SGCZ: variants seen among roughly 807,000 people sequenced by gnomAD.
The protein encoded by SGCZ is zeta-sarcoglycan.
In SGCZ, 40 loss-of-function variants were observed where a neutral mutation model predicts 41.3. The ratio of observed to expected loss-of-function variants is 0.97; its 90% CI spans 0.75 to 1.26. The LOEUF (loss-of-function observed/expected upper bound fraction) is 1.26. Among genes scored for constraint, SGCZ ranks in the 50% most tolerant of loss-of-function variants. The probability of loss-of-function intolerance (pLI) is 0.00; values close to 1 mark genes in which losing one functional copy is unlikely to be tolerated. For missense variants in SGCZ, 552 were observed against 369.8 expected (o/e 1.49, Z -4.04); for synonymous variants, 206 against 137.5 (o/e 1.50, Z -3.49).
chr8:14,231,598 G>A (rs945098333), intron 4 of SGCZ, among the ~76,000 whole-genome samples: 2 of 151,734 alleles, frequency 1.3e-5, no homozygotes, highest in African/African-American at 4.8e-5. Context: ...AACATGCTCT[G>A]TTCATTTGTC....
intron 1 of SGCZ, among the ~76,000 whole-genome samples, chr8:14,980,213 G>T (rs190786364): frequency 6.6e-6 from 1 of 152,058 alleles, no homozygotes; most frequent in Non-Finnish European, 1.5e-5. Context: ...AAATGTTTTG[G>T]CCTGACTGTG....
intron 1 of SGCZ, among the ~76,000 whole-genome samples, chr8:14,755,010 A>T (rs769836900): frequency 6.6e-6 from 1 of 152,214 alleles, no homozygotes; most frequent in African/African-American, 2.4e-5. Flanking sequence ...GATTACAGGC[A>T]TCAGACACTG....
intron 4 of SGCZ, among the ~76,000 whole-genome samples, chr8:14,224,367 T>A (rs1806300679): frequency 6.6e-6 from 1 of 152,106 alleles, no homozygotes; most frequent in South Asian, 2.1e-4. Context: ...TAGTACCAGG[T>A]ACTATGGTGA....
At chr8:14,323,029 G>A (rs905773165) in intron 3 of SGCZ, among the ~76,000 whole-genome samples, 10 of 152,062 alleles carry the variant, frequency 6.6e-5, no homozygotes, top group African/African-American at 2.2e-4. Context: ...TTGTCTGAAC[G>A]ATACCCAGAA....
chr8:14,290,218 T>TCAAAAGTA (rs1225504019), intron 3 of SGCZ, among the ~76,000 whole-genome samples: 1 of 151,964 alleles, frequency 6.6e-6, no homozygotes, highest in Non-Finnish European at 1.5e-5. Flanking sequence ...AACGTAAGAC[T>TCAAAAGTA]CAAAACTACA....
At chr8:14,299,974 G>A (rs1307756667) in intron 3 of SGCZ, among the ~76,000 whole-genome samples, 7 of 151,932 alleles carry the variant, frequency 4.6e-5, no homozygotes, top group African/African-American at 1.2e-4. Context: ...GATAAAAAAT[G>A]CAAGAATATA....
intron 1 of SGCZ, chr8:14,853,440 C>T: frequency 3.8e-6 from 2 of 532,392 alleles, no homozygotes; most frequent in Non-Finnish European, 7.7e-6. Flanking sequence ...GACACTTGCT[C>T]TTTCTGACCA....
intron 1 of SGCZ, among the ~76,000 whole-genome samples, chr8:15,133,950 T>C (rs17120994): frequency 0.071 from 10,863 of 152,262 alleles, 388 homozygotes; most frequent in Middle Eastern, 0.13. Context: ...GTTCTGTTTT[T>C]AATATTATCA....
intron 5 of SGCZ, among the ~76,000 whole-genome samples, chr8:14,113,735 AAC>A (rs1003991497): frequency 4.1e-4 from 62 of 152,156 alleles, no homozygotes; most frequent in African/African-American, 1.4e-3. Flanking sequence ...GATGTTCTAA[AAC>A]ACAAAATTGA....
chr8:14,198,114 C>G (rs1263622451), intron 4 of SGCZ, among the ~76,000 whole-genome samples: 4 of 152,162 alleles, frequency 2.6e-5, no homozygotes, highest in Non-Finnish European at 4.4e-5. Context: ...AGAAACAATT[C>G]ATAAGTTTTA....
intron 1 of SGCZ, among the ~76,000 whole-genome samples, chr8:14,709,911 A>G (rs1006987351): frequency 2.6e-5 from 4 of 152,144 alleles, no homozygotes; most frequent in African/African-American, 2.4e-5. Context: ...TGAACAAGTA[A>G]TTGTCTTAAT....
intron 2 of SGCZ, among the ~76,000 whole-genome samples, chr8:14,405,285 T>C (rs1323026130): frequency 1.3e-5 from 2 of 152,212 alleles, no homozygotes; most frequent in Non-Finnish European, 2.9e-5. Context: ...ATAGTTAAGC[T>C]TTATATGTTA....
chr8:14,381,648 G>C lies in SGCZ; in HGVS notation c.235-57444C>G, dbSNP rs139670581. 8.3e-3 allele frequency among the ~76,000 whole-genome samples: 1,264 copies of C among 151,656 alleles called. 12 individuals carry two copies. Among genetic ancestry groups the C allele is most frequent in the African/African-American group, 0.018 (750 of 41,372 alleles). On this transcript the variant is annotated intron_variant, in intron 2 of 7. Coordinates refer to ENST00000382080, the MANE Select transcript of SGCZ (RefSeq NM_139167.4). ...TGAAAAATTGGCTGGGTGTAGTCAC[G>C]TGCACCTGTAGTCCCAGCTACTTGT...
chr8:14,597,049 T>G (rs1474729193), intron 1 of SGCZ, among the ~76,000 whole-genome samples: 3 of 152,162 alleles, frequency 2.0e-5, no homozygotes, highest in Non-Finnish European at 4.4e-5. Context: ...TGAGGTAGTT[T>G]AGTAGGCAGC....
At position 14,088,992 on chromosome 8, in the gene SGCZ, A is replaced by C. The variant is rs1393627996; in HGVS notation, c.*1451T>G. Among the ~76,000 whole-genome samples the C allele has an allele frequency of 1.3e-5, 2 of 151,910 alleles. No homozygotes were observed. Among genetic ancestry groups the C allele is most frequent in the Non-Finnish European group, 2.9e-5 (2 of 67,894 alleles). On this transcript the variant is annotated 3_prime_UTR_variant, in exon 8 of 8. Transcript: ENST00000382080. ...TTTGATTGACATGTGAAAATTCAGG[A>C]CTTACCTTATAGTAATTAAGTCATC...
At chr8:14,411,780 C>A (rs1419631926) in intron 2 of SGCZ, among the ~76,000 whole-genome samples, 1 of 152,052 alleles carries the variant, frequency 6.6e-6, no homozygotes, top group Non-Finnish European at 1.5e-5. Context: ...CAATAAAACT[C>A]ACTGACATGT....
At chr8:14,231,187 G>GTC (rs1554483300) in intron 4 of SGCZ, among the ~76,000 whole-genome samples, 1 of 150,788 alleles carries the variant, frequency 6.6e-6, no homozygotes, top group Non-Finnish European at 1.5e-5. Flanking sequence ...GTGTGTGTGT[G>GTC]TGTGTGTGTA....
chr8:14,866,888 G>A (rs973743433), intron 1 of SGCZ, among the ~76,000 whole-genome samples: 1 of 152,148 alleles, frequency 6.6e-6, no homozygotes, highest in East Asian at 1.9e-4. Flanking sequence ...GTGGGATAAA[G>A]CAGGAAAGCC....
intron 1 of SGCZ, among the ~76,000 whole-genome samples, chr8:14,666,927 T>C (rs1000922108): frequency 1.3e-5 from 2 of 151,946 alleles, no homozygotes; most frequent in African/African-American, 4.8e-5. Context: ...AGAAATATGT[T>C]TGTATATAAA....
Sources: allele counts gnomAD v4.1 joint callset (sites outside exome capture counted in the v4.1 genomes callset), GRCh38; gene constraint gnomAD v4.1.1; transcripts MANE v1.5; gene names NCBI Gene and HGNC (gene_info 2026-07-23, HGNC 2026-07-21).